KLF8: variants seen among roughly 807,000 people sequenced by gnomAD.
KLF8 encodes KLF transcription factor 8, also known as Krueppel-like factor 8.
KLF8 carries 10 observed loss-of-function variants against 18.2 expected under a neutral mutation model. That is an observed-to-expected ratio of 0.55 (90% CI 0.34 to 0.93). The LOEUF (loss-of-function observed/expected upper bound fraction) is 0.93, where lower values mean the gene tolerates loss of function less well. Among genes scored for constraint, KLF8 ranks in the 40% least tolerant of loss-of-function variants. KLF8 has a pLI of 0.02. For missense variants in KLF8, 264 were observed against 277.9 expected, an observed-to-expected ratio of 0.95 and a Z score of 0.36; for synonymous variants, 109 against 97.3, an observed-to-expected ratio of 1.12 and a Z score of -0.71.
At chrX:56,247,957 T>C (rs1476238296) in intron 1 of KLF8, among the ~76,000 whole-genome samples, 1 of 112,135 alleles carries the variant, frequency 8.9e-6, no homozygotes, top group Non-Finnish European at 1.9e-5. Context: ...TATAATTATA[T>C]TGACTGACAG....
At chrX:56,160,003 C>A in the KLF8 span, among the ~76,000 whole-genome samples, 1 of 111,752 alleles carries the variant, frequency 8.9e-6, no homozygotes, top group East Asian at 2.8e-4. Context: ...TCAGATCTTT[C>A]CTGCTTTCTA....
At chrX:56,186,347 T>C in the KLF8 span, among the ~76,000 whole-genome samples, 2 of 111,738 alleles carry the variant, frequency 1.8e-5, no homozygotes, top group East Asian at 2.8e-4. Flanking sequence ...ATATATGCAC[T>C]CAATACAGGA....
the KLF8 span, among the ~76,000 whole-genome samples, chrX:56,204,115 GT>G: frequency 9.0e-6 from 1 of 111,288 alleles, no homozygotes; most frequent in Non-Finnish European, 1.9e-5. Context: ...GTGTTTTACA[GT>G]TTTTATAATA....
the KLF8 span, among the ~76,000 whole-genome samples, chrX:56,005,048 A>ATTG: frequency 5.6e-5 from 6 of 107,503 alleles, no homozygotes; most frequent in Admixed American, 6.0e-4. Flanking sequence ...TATTATTATT[A>ATTG]TTATTATTAT....
the KLF8 span, among the ~76,000 whole-genome samples, chrX:56,135,998 C>G: frequency 9.0e-6 from 1 of 111,363 alleles, no homozygotes; most frequent in Non-Finnish European, 1.9e-5. Context: ...CTCCCATTCA[C>G]AATTGCTTCA....
chrX:55,989,244 A>T, the KLF8 span, among the ~76,000 whole-genome samples: 1 of 111,758 alleles, frequency 8.9e-6, no homozygotes, highest in African/African-American at 3.3e-5. Flanking sequence ...ACTGTGTTGA[A>T]TAGGGGTGGT....
At chrX:56,154,555 A>T in the KLF8 span, among the ~76,000 whole-genome samples, 1 of 112,208 alleles carries the variant, frequency 8.9e-6, no homozygotes, top group Non-Finnish European at 1.9e-5. Flanking sequence ...CAAGGACTTC[A>T]TGTCTAAAAC....
chrX:56,007,627 ACT>A, the KLF8 span, among the ~76,000 whole-genome samples: 5 of 108,685 alleles, frequency 4.6e-5, no homozygotes, highest in Non-Finnish European at 9.6e-5. Context: ...TCTCTCTTAA[ACT>A]CTGTCTTTGA....
At chrX:56,141,540 C>A in the KLF8 span, among the ~76,000 whole-genome samples, 1 of 111,287 alleles carries the variant, frequency 9.0e-6, no homozygotes, top group Non-Finnish European at 1.9e-5. Context: ...TACAAATCCT[C>A]ATATATGTGT....
chrX:55,931,208 G>A, the KLF8 span, among the ~76,000 whole-genome samples: 1 of 111,555 alleles, frequency 9.0e-6, no homozygotes, highest in African/African-American at 3.3e-5. Flanking sequence ...ATTCTCTGAT[G>A]GTAGTTTGTA....
the KLF8 span, among the ~76,000 whole-genome samples, chrX:55,955,249 A>G: frequency 1.8e-5 from 2 of 111,453 alleles, no homozygotes; most frequent in Non-Finnish European, 3.8e-5. Flanking sequence ...AATTATAGGA[A>G]GAAAGAACAG....
chrX:56,175,256 A>G, the KLF8 span, among the ~76,000 whole-genome samples: 6 of 111,841 alleles, frequency 5.4e-5, no homozygotes, highest in African/African-American at 2.0e-4. Flanking sequence ...TTCCCTCTAC[A>G]CACTGCTTTG....
chrX:56,222,660 G>A, the KLF8 span, among the ~76,000 whole-genome samples: 2 of 112,831 alleles, frequency 1.8e-5, no homozygotes, highest in African/African-American at 3.2e-5. Context: ...AGGGGGCGGC[G>A]CTCGTTGGGG....
At chrX:56,124,501 C>A in the KLF8 span, among the ~76,000 whole-genome samples, 9 of 112,194 alleles carry the variant, frequency 8.0e-5, no homozygotes, top group Non-Finnish European at 1.3e-4. Flanking sequence ...TTATCAATTT[C>A]TGATGCCATA....
chrX:56,002,005 C>A, the KLF8 span, among the ~76,000 whole-genome samples: 1 of 111,874 alleles, frequency 8.9e-6, no homozygotes, highest in South Asian at 3.8e-4. Flanking sequence ...GGCCCGCCTA[C>A]AAATAATCTG....
the KLF8 span, among the ~76,000 whole-genome samples, chrX:56,171,628 A>C: frequency 9.1e-6 from 1 of 110,274 alleles, no homozygotes; most frequent in African/African-American, 3.3e-5. Context: ...CGGTGTTTGG[A>C]TTTTTATCCT....
chrX:56,059,922 G>A, the KLF8 span, among the ~76,000 whole-genome samples: 2 of 111,759 alleles, frequency 1.8e-5, no homozygotes, highest in Non-Finnish European at 3.8e-5. Context: ...AGATAGCATT[G>A]AATCTATAAA....
chrX:56,106,230 T>C, the KLF8 span, among the ~76,000 whole-genome samples: 4 of 111,389 alleles, frequency 3.6e-5, no homozygotes, highest in East Asian at 8.4e-4. Flanking sequence ...CTTTGTGGCA[T>C]TCTATGTATT....
chrX:56,080,589 C>T, the KLF8 span, among the ~76,000 whole-genome samples: 4 of 111,314 alleles, frequency 3.6e-5, no homozygotes, highest in Admixed American at 2.9e-4. Context: ...ACATTTTTTC[C>T]TTCATTTCAA....
Sources: gnomAD v4.1 joint callset for allele counts (sites outside exome capture counted in the v4.1 genomes callset) on GRCh38, gnomAD v4.1.1 for gene constraint, MANE v1.5 for transcripts, NCBI Gene and HGNC (gene_info 2026-07-23, HGNC 2026-07-21) for gene names.